PLCH1: variants seen among roughly 807,000 people sequenced by gnomAD.
The protein encoded by PLCH1 is 1-phosphatidylinositol 4,5-bisphosphate phosphodiesterase eta-1.
PLCH1 carries 60 observed loss-of-function variants against 126.7 expected under a neutral mutation model. The ratio of observed to expected loss-of-function variants is 0.47; its 90% CI spans 0.38 to 0.59. PLCH1 has a LOEUF of 0.59. Among genes scored for constraint, PLCH1 ranks in the 20% least tolerant of loss-of-function variants. The probability of loss-of-function intolerance (pLI) is 0.00; values close to 1 mark genes in which losing one functional copy is unlikely to be tolerated. For synonymous variants in PLCH1, 719 were observed against 734.9 expected (o/e 0.98, Z 0.35); for missense variants, 1,723 against 2,040.0 (o/e 0.84, Z 2.99).
intron 1 of PLCH1, among the ~76,000 whole-genome samples, chr3:155,725,013 T>A (rs1748219146): frequency 6.6e-6 from 1 of 152,224 alleles, no homozygotes; most frequent in Non-Finnish European, 1.5e-5. Context: ...TGAAAAAGAC[T>A]GTATCTTTCC....
intron 2 of PLCH1, among the ~76,000 whole-genome samples, chr3:155,669,815 C>T (rs1231083002): frequency 1.3e-5 from 2 of 152,172 alleles, no homozygotes; most frequent in Non-Finnish European, 2.9e-5. Context: ...CATATTTCAA[C>T]AAGTAGAAAT....
intron 2 of PLCH1, among the ~76,000 whole-genome samples, 174 bp downstream of exon 2, chr3:155,703,972 A>G (rs1746466468): frequency 6.6e-6 from 1 of 152,218 alleles, no homozygotes; most frequent in African/African-American, 2.4e-5. Context: ...ATTCCTTACA[A>G]GTGGAGATAG....
chr3:155,727,587 C>A (rs1395558597), intron 1 of PLCH1, among the ~76,000 whole-genome samples: 2 of 152,066 alleles, frequency 1.3e-5, no homozygotes, highest in African/African-American at 4.8e-5. Context: ...AGGGTTTCAC[C>A]ATGTTAGCCA....
intron 10 of PLCH1, among the ~76,000 whole-genome samples, chr3:155,524,447 A>G (rs1721636918): frequency 6.6e-6 from 1 of 152,192 alleles, no homozygotes; most frequent in Non-Finnish European, 1.5e-5. Flanking sequence ...TATACATTTA[A>G]AAATAGTTAA....
intron 1 of PLCH1, among the ~76,000 whole-genome samples, chr3:155,719,047 G>T (rs900372289): frequency 6.6e-5 from 10 of 152,156 alleles, no homozygotes; most frequent in African/African-American, 2.4e-4. Flanking sequence ...TGGAAAACAA[G>T]TGTTGTTTGG....
intron 2 of PLCH1, among the ~76,000 whole-genome samples, chr3:155,644,752 A>C (rs1419033443): frequency 6.6e-6 from 1 of 152,246 alleles, no homozygotes; most frequent in African/African-American, 2.4e-5. Flanking sequence ...TTATACTTAT[A>C]ATTACTGTCT....
intron 1 of PLCH1, among the ~76,000 whole-genome samples, chr3:155,736,982 C>G (rs1485294987): frequency 1.3e-5 from 2 of 151,884 alleles, no homozygotes. Flanking sequence ...GTAACCTCAG[C>G]ACTTTGGGAG....
At chr3:155,627,768 GA>G (rs796377888) in intron 2 of PLCH1, among the ~76,000 whole-genome samples, 121 of 140,230 alleles carry the variant, frequency 8.6e-4, no homozygotes, top group Middle Eastern at 7.0e-3. Context: ...AGTTATCGGA[GA>G]TTTTTTTTTT....
At chr3:155,498,069 C>T (rs895677779) in intron 14 of PLCH1, among the ~76,000 whole-genome samples, 4 of 152,168 alleles carry the variant, frequency 2.6e-5, no homozygotes, top group African/African-American at 9.7e-5. Flanking sequence ...TTGTGAGGTC[C>T]TGCTCCGTCC....
intron 1 of PLCH1, among the ~76,000 whole-genome samples, chr3:155,712,671 C>T (rs940345418): frequency 5.9e-5 from 9 of 151,994 alleles, no homozygotes; most frequent in African/African-American, 2.2e-4. Context: ...ACCGAAGAGA[C>T]GGAGGTAGCA....
chr3:155,619,886 CTG>C (rs1423074056), intron 2 of PLCH1, among the ~76,000 whole-genome samples: 1 of 152,112 alleles, frequency 6.6e-6, no homozygotes, highest in African/African-American at 2.4e-5. Flanking sequence ...AAATAGAACT[CTG>C]TGTGGTAAGG....
rs190946450 is a variant in PLCH1 at position 155,535,050 on chromosome 3, A to G, written c.1363-11046T>C. ...ATGAGAGAAGGATTTGGCCTTACCA[A>G]GAGCTGAAACAAATTTAGAGAGCTG... On this transcript the variant is annotated intron_variant, in intron 10 of 22. Transcript: ENST00000460012. Among the ~76,000 whole-genome samples, 730 of 152,358 alleles carry G rather than the reference A, an allele frequency of 4.8e-3. 2 individuals are homozygous for G. The highest frequency in any genetic ancestry group is 7.7e-3 in the Non-Finnish European group (522 of 68,032).
intron 5 of PLCH1, among the ~76,000 whole-genome samples, chr3:155,584,022 T>C (rs1731055906): frequency 6.6e-6 from 1 of 151,676 alleles, no homozygotes. Context: ...ATTAGAAACT[T>C]GAAGTCTTAA....
chr3:155,468,386 G>C (rs1713009343), intron 21 of PLCH1, among the ~76,000 whole-genome samples: 1 of 152,084 alleles, frequency 6.6e-6, no homozygotes, highest in African/African-American at 2.4e-5. Context: ...CAACAAAATG[G>C]GAGGAGTAAG....
intron 2 of PLCH1, among the ~76,000 whole-genome samples, chr3:155,656,169 C>G (rs1311414233): frequency 6.7e-6 from 1 of 149,944 alleles, no homozygotes; most frequent in African/African-American, 2.4e-5. Flanking sequence ...GAAAATTACC[C>G]CCCCCCAAAT....
chr3:155,666,270 C>T (rs1264315198), intron 2 of PLCH1, among the ~76,000 whole-genome samples: 3 of 152,136 alleles, frequency 2.0e-5, no homozygotes, highest in Non-Finnish European at 4.4e-5. Context: ...GCCAATTTTC[C>T]CACACTTTTG....
chr3:155,452,861 A>G (rs555087952), intron 21 of PLCH1, among the ~76,000 whole-genome samples: 1 of 152,314 alleles, frequency 6.6e-6, no homozygotes, highest in Admixed American at 6.5e-5. Flanking sequence ...TACAAGGCTG[A>G]GATTGCTGAA....
At chr3:155,559,064 T>A (rs1353019422) in intron 8 of PLCH1, among the ~76,000 whole-genome samples, 4 of 152,204 alleles carry the variant, frequency 2.6e-5, no homozygotes, top group Non-Finnish European at 5.9e-5. Flanking sequence ...CATCCTTATA[T>A]GACATGACAG....
chr3:155,704,737 C>A (rs1458227335), intron 1 of PLCH1, among the ~76,000 whole-genome samples: 1 of 152,154 alleles, frequency 6.6e-6, no homozygotes, highest in East Asian at 1.9e-4. Flanking sequence ...ATGAGCCAAG[C>A]ACATTAATAA....
Sources: gnomAD v4.1 joint callset for allele counts (sites outside exome capture counted in the v4.1 genomes callset) on GRCh38, gnomAD v4.1.1 for gene constraint, MANE v1.5 for transcripts, NCBI Gene and HGNC (gene_info 2026-07-23, HGNC 2026-07-21) for gene names.